TRPV1: variants seen among roughly 807,000 people sequenced by gnomAD.
TRPV1 encodes the protein OTRPC1.
TRPV1 carries 82 observed loss-of-function variants against 82.3 expected under a neutral mutation model. That is an observed-to-expected ratio of 1.00 (90% CI 0.83 to 1.20). The LOEUF is 1.20. Ranked by LOEUF, TRPV1 falls within the 50% of genes most tolerant of loss-of-function variation. The probability of loss-of-function intolerance (pLI) is 0.00; values close to 1 mark genes in which losing one functional copy is unlikely to be tolerated. For synonymous variants in TRPV1, 515 were observed against 467.7 expected (o/e 1.10, Z -1.30); for missense variants, 1,067 against 1,096.8 (o/e 0.97, Z 0.38).
rs1007896640 is a variant in TRPV1, at chr17:3,577,551, G to A, written c.1713+47C>T. The A allele has an allele frequency of 1.6e-5, 25 of 1,546,706 alleles. No homozygotes were observed. The Admixed American group carries it at 2.9e-4, about 18-fold the overall frequency. On this transcript the variant is annotated intron_variant, in intron 12 of 16. Coordinates refer to ENST00000572705, the MANE Select transcript of TRPV1 (RefSeq NM_080704.4). Reference sequence around the variant, plus strand: ...TCTTGGCCCCATCTCACATGACCACGAGGTAAGCGGGCTCTGAGGAGACCC... The same window carrying A: ...TCTTGGCCCCATCTCACATGACCACAAGGTAAGCGGGCTCTGAGGAGACCC...
intron 2 of TRPV1, among the ~76,000 whole-genome samples, chr17:3,605,564 G>A (rs1267140108): frequency 6.6e-6 from 1 of 151,858 alleles, no homozygotes; most frequent in East Asian, 1.9e-4. Flanking sequence ...TCAGATCCCA[G>A]TACACAGCAG....
chr17:3,576,117 GA>G (rs2074925210), intron 13 of TRPV1, among the ~76,000 whole-genome samples: 1 of 152,008 alleles, frequency 6.6e-6, no homozygotes, highest in Non-Finnish European at 1.5e-5. Flanking sequence ...AGCTACTGGG[GA>G]GGCTGAGGCA....
At chr17:3,584,413 A>T (rs1201697968) in intron 9 of TRPV1, among the ~76,000 whole-genome samples, 259 of 15,942 alleles carry the variant, frequency 0.016, 10 homozygotes, top group African/African-American at 0.048. Context: ...AAAAAAAAAA[A>T]AAATAAAATA....
Position 3,580,567 on chromosome 17 carries a change from C to T in TRPV1, c.1477-40G>A, listed in dbSNP as rs142026231. On this transcript the variant is annotated intron_variant, in intron 10 of 16. Coordinates refer to ENST00000572705, the MANE Select transcript of TRPV1 (RefSeq NM_080704.4). ...AGAGAGTAAGATCCCAGGCAATGCT[C>T]GATGTGGCTAAATGGTGAGCACTCA... The T allele has an allele frequency of 5.7e-4, 917 of 1,606,960 alleles. 7 individuals carry two copies. The African/African-American group carries it at 0.011, about 20-fold the overall frequency.
intron 2 of TRPV1, among the ~76,000 whole-genome samples, chr17:3,596,295 GCATCCATC>G (rs113591328): frequency 0.16 from 23,920 of 151,724 alleles, 6,132 homozygotes; most frequent in African/African-American, 0.54. Context: ...TCTGCCCAAA[GCATCCATC>G]CATCCATCCA....
Position 3,573,951 on chromosome 17 carries a change from C to A in TRPV1, c.1785G>T (p.Val595=), listed in dbSNP as rs1475241427. The A allele has an allele frequency of 4.4e-6, 7 of 1,602,372 alleles. No individual in the cohort carries two copies. The highest frequency in any genetic ancestry group is 3.3e-5 in the South Asian group (3 of 89,614). ...IVFLFGFSTA[V]VTLIEDGKND... is the part of the protein sequence containing the mutation. ...TCTTCCCGTCTTCAATCAGCGTCAC[C>A]ACCGCTACAGGGCACAGGGAGGGCG... Residue 595 remains valine, a synonymous_variant, in exon 14 of 17, where the codon GTG becomes GTT. Coordinates refer to ENST00000572705, the MANE Select transcript of TRPV1 (RefSeq NM_080704.4).
intron 10 of TRPV1, among the ~76,000 whole-genome samples, chr17:3,581,930 C>T (rs1209773063): frequency 6.8e-6 from 1 of 146,356 alleles, no homozygotes; most frequent in African/African-American, 2.5e-5. Flanking sequence ...GTGGCTCACA[C>T]CTGTAATCCC....
intron 2 of TRPV1, among the ~76,000 whole-genome samples, chr17:3,604,677 A>C (rs1005245452): frequency 6.6e-6 from 1 of 152,164 alleles, no homozygotes; most frequent in African/African-American, 2.4e-5. Flanking sequence ...AGCCACATAC[A>C]CATGATGTGG....
intron 2 of TRPV1, among the ~76,000 whole-genome samples, chr17:3,605,278 G>A (rs1284020504): frequency 6.6e-6 from 1 of 152,164 alleles, no homozygotes; most frequent in Non-Finnish European, 1.5e-5. Context: ...CGAGGCCGAG[G>A]TGGGTGGATC....
At chr17:3,594,812 T>C (rs1439594653) in intron 2 of TRPV1, among the ~76,000 whole-genome samples, 3 of 151,870 alleles carry the variant, frequency 2.0e-5, no homozygotes, top group Non-Finnish European at 4.4e-5. Context: ...GGGGGCAGGG[T>C]GCTGAAGAGG....
rs1190164828 is a variant in TRPV1, at chr17:3,592,161, G to A, written c.190C>T (p.Pro64Ser). 6.2e-7 allele frequency: 1 copy of A among 1,613,814 alleles called. No homozygotes were observed. The highest frequency in any genetic ancestry group is 2.2e-5 in the East Asian group (1 of 44,870). ...DSEEAFPVDCPHEEGELDSCP... is the reference protein window; with the variant it reads ...DSEEAFPVDCSHEEGELDSCP... The stretch of plus-strand genomic sequence containing the variant: ...GAGTCCAGCTCACCTTCCTCGTGAG[G>A]GCAATCCACCGGGAAAGCCTCCTCC... The change falls in exon 3 of 17, where the codon CCT becomes TCT. Residue 64 changes from proline to serine, a missense_variant. Pro to Ser is a moderately conservative substitution (Grantham distance 74). Transcript: ENST00000572705.
chr17:3,602,680 G>A (rs1384575295), intron 2 of TRPV1, among the ~76,000 whole-genome samples: 1 of 152,180 alleles, frequency 6.6e-6, no homozygotes, highest in Admixed American at 6.5e-5. Flanking sequence ...GCTAAACACC[G>A]CCACCGTCGC....
intron 2 of TRPV1, among the ~76,000 whole-genome samples, chr17:3,594,022 G>A (rs1167511310): frequency 1.3e-5 from 2 of 151,560 alleles, no homozygotes; most frequent in South Asian, 2.1e-4. Context: ...CAGCTACTCG[G>A]GAGGCTGAGG....
intron 10 of TRPV1, among the ~76,000 whole-genome samples, chr17:3,582,144 T>C (rs1597528927): frequency 1.5e-5 from 2 of 132,550 alleles, no homozygotes; most frequent in East Asian, 4.6e-4. Flanking sequence ...GAGTGGAGAT[T>C]GTGCCACTGC....
Position 3,590,089 on chromosome 17 carries a change from G to A in TRPV1, c.762C>T (p.Ser254=), listed in dbSNP as rs773592575. 1 of 1,606,882 alleles carries A rather than the reference G, an allele frequency of 6.2e-7. No homozygotes were observed. Among genetic ancestry groups the A allele is most frequent in the African/African-American group, 1.3e-5 (1 of 74,944 alleles). ...CCAGCTGGTTGGTGCACGCGGCCAGGGACAGGGGCAGTTCACCTGCATGAA... is the reference window on the plus strand; with the variant it reads ...CCAGCTGGTTGGTGCACGCGGCCAGAGACAGGGGCAGTTCACCTGCATGAA... The part of the protein sequence containing the change: ...PGFYFGELPL[S]LAACTNQLGI... The change falls in exon 7 of 17, where the codon TCC becomes TCT. Residue 254 remains serine, a synonymous_variant. Coordinates refer to ENST00000572705, the MANE Select transcript of TRPV1 (RefSeq NM_080704.4).
rs374403991 is a variant in TRPV1 at position 3,577,679 on chromosome 17, G to A, written c.1632C>T (p.Ser544=). 15 of 1,588,726 alleles carry A rather than the reference G, an allele frequency of 9.4e-6. No individual in the cohort carries two copies. The highest frequency in any genetic ancestry group is 1.3e-5 in the Non-Finnish European group (15 of 1,168,056). The stretch of plus-strand genomic sequence containing the variant: ...GCATGTTGGTCCAGCCCAAGGCCAG[G>A]GAGAATACCATGGAAGCCACATACT... The part of the protein sequence containing the change: ...LKEYVASMVF[S]LALGWTNMLY... Residue 544 remains serine (S), a synonymous_variant, in exon 12 of 17, where the codon TCC becomes TCT. Transcript: ENST00000572705.
chr17:3,570,155 C>T (rs963970498), intron 16 of TRPV1, among the ~76,000 whole-genome samples: 14 of 151,988 alleles, frequency 9.2e-5, no homozygotes, highest in African/African-American at 3.4e-4. Context: ...TTTGGGATGA[C>T]CTGAGGTCAG....
At chr17:3,576,668 A>AAAAAAAAAAAAAAATAT in intron 13 of TRPV1, among the ~76,000 whole-genome samples, 3 of 38,422 alleles carry the variant, frequency 7.8e-5, no homozygotes, top group Non-Finnish European at 1.1e-4. Context: ...AAAAAAAAAA[A>AAAAAAAAAAAAAAATAT]ATATATATAT....
In TRPV1 at chr17:3,592,139, T is replaced by C; in HGVS notation, c.212A>G (p.Asp71Gly). ...GCTGACTGTGATGGTCGGGCAGGAG[T>C]CCAGCTCACCTTCCTCGTGAGGGCA... Reference protein sequence around the residue: ...VDCPHEEGELDSCPTITVSPV... With the variant: ...VDCPHEEGELGSCPTITVSPV... The change falls in exon 3 of 17, where the codon GAC (aspartate) becomes GGC (glycine). Residue 71 changes from aspartate to glycine, a missense_variant. Transcript: ENST00000572705. The C allele has an allele frequency of 1.9e-6, 3 of 1,613,580 alleles. No homozygotes were observed. The highest frequency in any genetic ancestry group is 2.5e-6 in the Non-Finnish European group (3 of 1,179,784).
Sources: allele counts gnomAD v4.1 joint callset (sites outside exome capture counted in the v4.1 genomes callset), GRCh38; gene constraint gnomAD v4.1.1; transcripts MANE v1.5; gene names NCBI Gene and HGNC (gene_info 2026-07-23, HGNC 2026-07-21).